EML5: variants seen among roughly 807,000 people sequenced by gnomAD.
EML5 encodes the protein EMAP like 5.
In EML5, 120 loss-of-function variants were observed where a neutral mutation model predicts 250.0. The observed-to-expected ratio is 0.48, with a 90% confidence interval of 0.41 to 0.56. The LOEUF (loss-of-function observed/expected upper bound fraction) is 0.56, where lower values mean the gene tolerates loss of function less well. Ranked by LOEUF, EML5 falls within the 20% of genes least tolerant of loss-of-function variation. The probability of loss-of-function intolerance (pLI) is 0.00; values close to 1 mark genes in which losing one functional copy is unlikely to be tolerated. For missense variants in EML5, 2,006 were observed against 2,437.6 expected, an observed-to-expected ratio of 0.82 and a Z score of 3.73; for synonymous variants, 771 against 806.5, an observed-to-expected ratio of 0.96 and a Z score of 0.75.
chr14:88,726,181 T>C (rs2093664088), intron 8 of EML5, among the ~76,000 whole-genome samples: 2 of 152,180 alleles, frequency 1.3e-5, no homozygotes, highest in Admixed American at 6.5e-5. Flanking sequence ...AACAACCCCA[T>C]TTTAACAGCC....
At chr14:88,686,148 C>G (rs1244586577) in intron 19 of EML5, among the ~76,000 whole-genome samples, 1 of 151,882 alleles carries the variant, frequency 6.6e-6, no homozygotes, top group Non-Finnish European at 1.5e-5. Context: ...TAGAAAAAAT[C>G]AGGTTTGATA....
chr14:88,749,719 CAA>C (rs1174167405), intron 2 of EML5, among the ~76,000 whole-genome samples: 1 of 152,028 alleles, frequency 6.6e-6, no homozygotes, highest in Non-Finnish European at 1.5e-5. Flanking sequence ...ATTTGGATTA[CAA>C]AGTGTCAATA....
rs1410061574 is a variant in EML5, at chr14:88,612,630, A to T, written c.*3188T>A. On this transcript the variant is annotated 3_prime_UTR_variant, in exon 44 of 44. Coordinates refer to ENST00000554922, the MANE Select transcript of EML5 (RefSeq NM_183387.3). ...AACATTCTCAGAATCCACAGAAAATATACTTAGTTACTACTGAAGATAATT... is the reference window on the plus strand; with the variant it reads ...AACATTCTCAGAATCCACAGAAAATTTACTTAGTTACTACTGAAGATAATT... The T allele has an allele frequency of 6.6e-6, 1 of 152,660 alleles. No homozygotes were observed. The highest frequency in any genetic ancestry group is 1.5e-5 in the Non-Finnish European group (1 of 68,052). The allele number at this position is 152,660 out of a possible 1,614,324, so 9.5% of individuals were successfully genotyped here. A position where few individuals can be genotyped will look rare whatever the true frequency, so the allele number is the denominator to read the frequency against.
chr14:88,621,900 A>G (rs1272521824), intron 37 of EML5: 2 of 456,338 alleles, frequency 4.4e-6, no homozygotes, highest in Non-Finnish European at 4.4e-6. Context: ...CTCTCTTGTA[A>G]ATACCTGAAA....
At chr14:88,690,479 T>C (rs2092931272) in intron 17 of EML5, among the ~76,000 whole-genome samples, 1 of 152,184 alleles carries the variant, frequency 6.6e-6, no homozygotes, top group African/African-American at 2.4e-5. Flanking sequence ...CTGTCTTTTC[T>C]CAACATAGAA....
At chr14:88,752,588 G>C (rs2094112241) in intron 2 of EML5, among the ~76,000 whole-genome samples, 2 of 152,110 alleles carry the variant, frequency 1.3e-5, no homozygotes, top group African/African-American at 2.4e-5. Flanking sequence ...TTACCAGAAA[G>C]TCATCTCTTA....
At chr14:88,690,601 G>C (rs1355487547) in intron 17 of EML5, among the ~76,000 whole-genome samples, 5 of 152,190 alleles carry the variant, frequency 3.3e-5, no homozygotes, top group African/African-American at 1.2e-4. Context: ...ATTGAAAGTA[G>C]GAACAACTGT....
In EML5 at chr14:88,634,468, C is replaced by T; in HGVS notation, c.4357+1G>A. On this transcript the variant is annotated splice_donor_variant, in intron 33 of 43. Transcript: ENST00000554922. LOFTEE classifies it high-confidence loss of function. ...AGCAGAAAATGTTTAGTTTTCCTTACCTGACATGTCTGCTGAATCACCTAT... is the reference window on the plus strand; with the variant it reads ...AGCAGAAAATGTTTAGTTTTCCTTATCTGACATGTCTGCTGAATCACCTAT... 4.1e-6 allele frequency: 6 copies of T among 1,465,172 alleles called. No individual in the cohort carries two copies. Among genetic ancestry groups the T allele is most frequent in the Non-Finnish European group, 5.5e-6 (6 of 1,095,636 alleles). The allele number at this position is 1,465,172 out of a possible 1,614,324, so 90.8% of individuals were successfully genotyped here. A position where few individuals can be genotyped will look rare whatever the true frequency, so the allele number is the denominator to read the frequency against.
chr14:88,766,306 C>T (rs1211604108), intron 1 of EML5, among the ~76,000 whole-genome samples: 5 of 152,180 alleles, frequency 3.3e-5, no homozygotes, highest in Non-Finnish European at 5.9e-5. Flanking sequence ...CCATATTTCT[C>T]TTCTTTCAAA....
At chr14:88,754,693 A>G (rs560357834) in intron 1 of EML5, 22 bp from the exon 2 acceptor site, 3 of 1,564,000 alleles carry the variant, frequency 1.9e-6, no homozygotes, top group East Asian at 2.4e-5. Context: ...GGAAATAAAT[A>G]AGTAGTATTA....
Position 88,615,534 on chromosome 14 carries a change from C to T in EML5, c.*284G>A, listed in dbSNP as rs889311457. On this transcript the variant is annotated 3_prime_UTR_variant, in exon 44 of 44. Transcript: ENST00000554922. ...CCCTAAATTTTCCCAGCAGGTCTGC[C>T]GAAATCACACACTTCCCAATACAGG... 5.9e-6 allele frequency: 2 copies of T among 338,168 alleles called. No individual in the cohort carries two copies. The highest frequency in any genetic ancestry group is 1.1e-5 in the Non-Finnish European group (2 of 187,404). 20.9% of individuals were successfully genotyped at this position (338,168 alleles called of 1,614,324 possible).
chr14:88,770,064 G>A (rs1013538823), intron 1 of EML5, among the ~76,000 whole-genome samples: 23 of 151,908 alleles, frequency 1.5e-4, no homozygotes, highest in African/African-American at 5.3e-4. Context: ...AAGCTCAGCA[G>A]CAGAGGAGAG....
chr14:88,629,699 A>C lies in EML5; in HGVS notation c.4358-1880T>G, dbSNP rs2090319315. Among the ~76,000 whole-genome samples the C allele has an allele frequency of 2.0e-5, 3 of 152,244 alleles. No homozygotes were observed. In the South Asian group the frequency reaches 6.2e-4, roughly 32 times the overall value. On this transcript the variant is annotated intron_variant, in intron 33 of 43. Transcript: ENST00000554922. ...GGACATCGCATATTTTCTAATGCTT[A>C]CCTTCTAGGTAGGTACGTTTTTTCC...
intron 1 of EML5, among the ~76,000 whole-genome samples, chr14:88,769,947 G>C (rs1013892979): frequency 1.3e-5 from 2 of 150,052 alleles, no homozygotes; most frequent in Non-Finnish European, 3.0e-5. Flanking sequence ...TTACTAACTA[G>C]ATTACAGCAT....
chr14:88,618,848 C>A, intron 39 of EML5, 36 bp from the exon 40 acceptor site: 1 of 1,528,476 alleles, frequency 6.5e-7, no homozygotes, highest in Non-Finnish European at 8.8e-7. Flanking sequence ...TATTAGACCA[C>A]ATGAAGTATT....
At chr14:88,706,940 G>A (rs2093326591) in intron 10 of EML5, among the ~76,000 whole-genome samples, 1 of 152,182 alleles carries the variant, frequency 6.6e-6, no homozygotes, top group Non-Finnish European at 1.5e-5. Flanking sequence ...TCAATGTAAT[G>A]CATCATATTA....
intron 21 of EML5, among the ~76,000 whole-genome samples, chr14:88,676,054 T>A (rs1367837088): frequency 4.6e-5 from 7 of 152,196 alleles, no homozygotes; most frequent in Non-Finnish European, 8.8e-5. Context: ...TCTAAGAAGT[T>A]CCAAACTTTC....
chr14:88,706,405 A>T lies in EML5; in HGVS notation c.1679T>A (p.Ile560Asn). 6.3e-7 allele frequency: 1 copy of T among 1,575,434 alleles called. No homozygotes were observed. The highest frequency in any genetic ancestry group is 1.2e-5 in the South Asian group (1 of 81,880). The change falls in exon 11 of 44, where the codon ATT (isoleucine) becomes AAT (asparagine). Residue 560 changes from isoleucine (I) to asparagine (N), a missense_variant. This residue lies in a region of EML5 where 1,375 missense variants were observed against 1,590.3 expected (regional missense o/e 0.86). Transcript: ENST00000554922. ...LRKGAKFRKY[I>N]GHSAHVTNVR... is the part of the protein sequence containing the mutation. ...ATTAGTTACGTGAGCTGAATGGCCA[A>T]TATATTTTCTAAACTTGGCCCCTAT...
intron 33 of EML5, among the ~76,000 whole-genome samples, chr14:88,633,799 C>T (rs1396567703): frequency 6.6e-6 from 1 of 151,514 alleles, no homozygotes; most frequent in African/African-American, 2.4e-5. Context: ...GTGCTGAGAA[C>T]AGGGTCTCAC....
Sources: gnomAD v4.1 joint callset for allele counts (sites outside exome capture counted in the v4.1 genomes callset) on GRCh38, gnomAD v4.1.1 for gene constraint, gnomAD v4.1.1 regional missense constraint, MANE v1.5 for transcripts, NCBI Gene and HGNC (gene_info 2026-07-23, HGNC 2026-07-21) for gene names.